The following MAF variants were observed in gnomAD, a reference collection of about 807,000 sequenced individuals.
The protein encoded by MAF is transcription factor Maf.
Under a neutral mutation model 22.0 loss-of-function variants are expected in MAF, and 10 were observed. That is an observed-to-expected ratio of 0.45 (90% CI 0.28 to 0.77). MAF has a LOEUF of 0.77. Among genes scored for constraint, MAF ranks in the 30% least tolerant of loss-of-function variants. The pLI, the probability that MAF is intolerant of heterozygous loss-of-function variation, is 0.12. For synonymous variants in MAF, 337 were observed against 255.8 expected (o/e 1.32, Z -3.03); for missense variants, 544 against 548.4 (o/e 0.99, Z 0.08).
the MAF span, among the ~76,000 whole-genome samples, chr16:79,233,828 C>T: frequency 6.6e-6 from 1 of 151,832 alleles, no homozygotes. Context: ...CCTGTTTCTA[C>T]TGAAAATACA....
chr16:79,212,439 T>C, the MAF span: 1 of 282,542 alleles, frequency 3.5e-6, no homozygotes, highest in East Asian at 6.3e-5. Flanking sequence ...AAAAATTCTT[T>C]AGAGATTATA....
the MAF span, among the ~76,000 whole-genome samples, chr16:79,300,328 A>C: frequency 6.6e-6 from 1 of 152,164 alleles, no homozygotes; most frequent in Admixed American, 6.5e-5. Flanking sequence ...AGGCCGAGCC[A>C]GGTGGATCAC....
the MAF span, among the ~76,000 whole-genome samples, chr16:79,238,084 A>G: frequency 6.6e-6 from 1 of 151,984 alleles, no homozygotes. Context: ...TTTTTTTGTC[A>G]GGCTTTGACC....
chr16:79,382,562 A>C, the MAF span, among the ~76,000 whole-genome samples: 1 of 152,234 alleles, frequency 6.6e-6, no homozygotes, highest in East Asian at 1.9e-4. Context: ...AATAACGTAC[A>C]GTAGAGAATG....
chr16:79,501,155 A>G, the MAF span, among the ~76,000 whole-genome samples: 2 of 152,148 alleles, frequency 1.3e-5, no homozygotes, highest in East Asian at 3.9e-4. Flanking sequence ...TGCCCCAAGC[A>G]TCTGTCCTAG....
At chr16:79,481,890 A>G in the MAF span, among the ~76,000 whole-genome samples, 2 of 152,202 alleles carry the variant, frequency 1.3e-5, no homozygotes, top group African/African-American at 4.8e-5. Context: ...TCAACAGCAC[A>G]TAAGAAAGGC....
chr16:79,507,410 C>T, the MAF span, among the ~76,000 whole-genome samples: 1 of 150,656 alleles, frequency 6.6e-6, no homozygotes, highest in African/African-American at 2.4e-5. Flanking sequence ...GCCACCAAGC[C>T]CAGCCCTTGC....
the MAF span, among the ~76,000 whole-genome samples, chr16:79,530,702 T>C: frequency 3.3e-5 from 5 of 152,234 alleles, no homozygotes; most frequent in Non-Finnish European, 7.3e-5. Flanking sequence ...GTTTTTTGAA[T>C]ATTGTGAACT....
chr16:79,588,989 C>T (rs1913028646), downstream of MAF, among the ~76,000 whole-genome samples: 1 of 152,078 alleles, frequency 6.6e-6, no homozygotes, highest in Admixed American at 6.5e-5. Flanking sequence ...CATAAAAAAT[C>T]TGACAGTGTA....
At chr16:79,313,826 G>A in the MAF span, among the ~76,000 whole-genome samples, 3 of 152,100 alleles carry the variant, frequency 2.0e-5, no homozygotes, top group Non-Finnish European at 2.9e-5. Flanking sequence ...TTGGAGTCAG[G>A]GGGATAGAGG....
the MAF span, among the ~76,000 whole-genome samples, chr16:79,475,169 G>C: frequency 5.3e-5 from 8 of 152,202 alleles, no homozygotes; most frequent in Middle Eastern, 3.4e-3. Flanking sequence ...ACACAAACTC[G>C]AGTTTAGAAG....
the MAF span, among the ~76,000 whole-genome samples, chr16:79,224,893 C>G: frequency 6.6e-6 from 1 of 152,188 alleles, no homozygotes; most frequent in Admixed American, 6.5e-5. Context: ...ACATTGCATG[C>G]TCATGGGTAG....
intron 1 of MAF, among the ~76,000 whole-genome samples, chr16:79,588,398 T>G (rs1339654661): frequency 2.0e-5 from 3 of 152,204 alleles, no homozygotes; most frequent in Non-Finnish European, 2.9e-5. Flanking sequence ...CATTTTTATT[T>G]CATAAAGTGG....
chr16:79,395,760 T>G, the MAF span, among the ~76,000 whole-genome samples: 1 of 152,118 alleles, frequency 6.6e-6, no homozygotes, highest in Non-Finnish European at 1.5e-5. Context: ...CGAGAATAAA[T>G]GTGTGTTGTA....
chr16:79,520,909 C>G, the MAF span, among the ~76,000 whole-genome samples: 1 of 152,154 alleles, frequency 6.6e-6, no homozygotes, highest in African/African-American at 2.4e-5. Context: ...TACTTCCGTC[C>G]TACAACACCC....
the MAF span, among the ~76,000 whole-genome samples, chr16:79,253,571 G>C: frequency 6.6e-6 from 1 of 152,132 alleles, no homozygotes; most frequent in East Asian, 1.9e-4. Flanking sequence ...CGGGGCAGGT[G>C]TGTGTATGTG....
the MAF span, among the ~76,000 whole-genome samples, chr16:79,365,156 C>A: frequency 2.0e-5 from 3 of 152,154 alleles, no homozygotes; most frequent in East Asian, 5.8e-4. Context: ...GAATTGTCTC[C>A]GTCTAATGTG....
At chr16:79,584,656 T>C (rs188285103), downstream of MAF, among the ~76,000 whole-genome samples, 1 of 152,304 alleles carries the variant, frequency 6.6e-6, no homozygotes, top group African/African-American at 2.4e-5. Context: ...ATTGTAATGA[T>C]AAAGGCTGAG....
the MAF span, among the ~76,000 whole-genome samples, chr16:79,515,048 C>T: frequency 1.3e-5 from 2 of 152,176 alleles, no homozygotes; most frequent in Admixed American, 6.5e-5. Context: ...TTCAAACCTC[C>T]GCTCACACCT....
Sources: gnomAD v4.1 joint callset for allele counts (sites outside exome capture counted in the v4.1 genomes callset) on GRCh38, gnomAD v4.1.1 for gene constraint, MANE v1.5 for transcripts, NCBI Gene and HGNC (gene_info 2026-07-23, HGNC 2026-07-21) for gene names.